The following C2CD3 variants were observed in gnomAD, a reference collection of about 807,000 sequenced individuals.
The protein encoded by C2CD3 is C2 domain containing 3 centriole elongation regulator.
C2CD3 carries 148 observed loss-of-function variants against 234.0 expected under a neutral mutation model. The observed-to-expected ratio is 0.63, with a 90% CI of 0.55 to 0.72. C2CD3 has a LOEUF of 0.72. C2CD3 is among the 30% of genes least tolerant of loss of function. C2CD3 has a pLI of 0.00. For synonymous variants in C2CD3, 1,000 were observed against 1,035.4 expected, an observed-to-expected ratio of 0.97 and a Z score of 0.66; for missense variants, 2,577 against 2,811.5, an observed-to-expected ratio of 0.92 and a Z score of 1.89.
Position 74,018,674 on chromosome 11 carries a change from A to G in C2CD3, c.6922-5149T>C, listed in dbSNP as rs540837755. The stretch of plus-strand genomic sequence containing the variant: ...GGGTGGCTCTCAGAGTCTGGCCTGG[A>G]CTAGAACTTCCTTGATACTACAGAG... On this transcript the variant is annotated intron_variant, in intron 32 of 32. Coordinates refer to ENST00000334126, the MANE Select transcript of C2CD3 (RefSeq NM_001286577.2). Among the ~76,000 whole-genome samples, 9 of 152,158 alleles carry G rather than the reference A, an allele frequency of 5.9e-5. No homozygotes were observed. The East Asian group carries it at 1.7e-3, about 29-fold the overall frequency.
intron 3 of C2CD3, among the ~76,000 whole-genome samples, chr11:74,150,512 A>AAC: frequency 1.5e-5 from 1 of 67,822 alleles, no homozygotes; most frequent in East Asian, 4.1e-4. Flanking sequence ...AAAAAAAAAA[A>AAC]AAACAAAAAA....
intron 14 of C2CD3, among the ~76,000 whole-genome samples, chr11:74,100,967 C>T (rs1956293322): frequency 1.3e-5 from 2 of 152,174 alleles, no homozygotes; most frequent in South Asian, 4.1e-4. Context: ...AAACATGGTG[C>T]CTGCCAAACT....
At chr11:74,023,454 T>TTAGAGC (rs1370472348) in intron 32 of C2CD3, among the ~76,000 whole-genome samples, 2 of 152,332 alleles carry the variant, frequency 1.3e-5, no homozygotes, top group East Asian at 3.9e-4. Context: ...TCCCTCTCAC[T>TTAGAGC]TAGAGCTGCT....
In C2CD3 at chr11:74,103,294, T is replaced by G; in HGVS notation, c.2417A>C (p.His806Pro). 6.2e-7 allele frequency: 1 copy of G among 1,614,214 alleles called. No individual in the cohort carries two copies. Among genetic ancestry groups the G allele is most frequent in the Non-Finnish European group, 8.5e-7 (1 of 1,180,018 alleles). ...GTTKESALLL[H>P]VLLMVPDGKD... is the part of the protein sequence containing the mutation. ...CCCATCTGGCACCATCAACAGCACATGCAACAGCAAAGCACTCTCTTTTGT... is the reference window on the plus strand; with the variant it reads ...CCCATCTGGCACCATCAACAGCACAGGCAACAGCAAAGCACTCTCTTTTGT... The change falls in exon 14 of 33, where the codon CAT becomes CCT. Residue 806 changes from histidine (H) to proline (P), a missense_variant. By Grantham distance (77) the His-to-Pro change is moderately conservative. Transcript: ENST00000334126.
intron 24 of C2CD3, among the ~76,000 whole-genome samples, chr11:74,062,727 G>C (rs1260517539): frequency 5.3e-5 from 8 of 150,998 alleles, no homozygotes; most frequent in African/African-American, 2.0e-4. Flanking sequence ...GGAGAAGCAA[G>C]AGCAAACACA....
At chr11:74,162,327 AAG>A (rs1409635054) in intron 2 of C2CD3, among the ~76,000 whole-genome samples, 1 of 152,188 alleles carries the variant, frequency 6.6e-6, no homozygotes, top group African/African-American at 2.4e-5. Flanking sequence ...GTGTAAATAA[AAG>A]AAATTATGCA....
chr11:74,092,398 A>C lies in C2CD3; in HGVS notation c.3517+18T>G. ...TATACTGATTTTGAAAGAAAAAGACAAACTTGTTTTCAATTACCTGATGAC... is the reference window on the plus strand; with the variant it reads ...TATACTGATTTTGAAAGAAAAAGACCAACTTGTTTTCAATTACCTGATGAC... On this transcript the variant is annotated intron_variant, in intron 19 of 32. Coordinates refer to ENST00000334126, the MANE Select transcript of C2CD3 (RefSeq NM_001286577.2). 1 of 1,608,014 alleles carries C rather than the reference A, an allele frequency of 6.2e-7. No homozygotes were observed. Among genetic ancestry groups the C allele is most frequent in the Non-Finnish European group, 8.5e-7 (1 of 1,175,480 alleles).
At position 74,156,465 on chromosome 11, in the gene C2CD3, A is replaced by G. The variant is rs78841567; in HGVS notation, c.483+4934T>C. ...GCACAGTAAGACCCTATCTCAAAAAAAAAAAAAAAAAAAAAAAAGGTGAAT... is the reference window on the plus strand; with the variant it reads ...GCACAGTAAGACCCTATCTCAAAAAGAAAAAAAAAAAAAAAAAAGGTGAAT... On this transcript the variant is annotated intron_variant, in intron 3 of 32. Coordinates refer to ENST00000334126, the MANE Select transcript of C2CD3 (RefSeq NM_001286577.2). Among the ~76,000 whole-genome samples the G allele has an allele frequency of 2.0e-5, 3 of 149,678 alleles. No individual in the cohort carries two copies. In the East Asian group the frequency reaches 5.8e-4, roughly 29 times the overall value.
At chr11:74,112,578 G>A (rs1016099767) in intron 11 of C2CD3, among the ~76,000 whole-genome samples, 1 of 152,106 alleles carries the variant, frequency 6.6e-6, no homozygotes, top group Non-Finnish European at 1.5e-5. Flanking sequence ...CTTGTATCTA[G>A]GATATACAAA....
chr11:74,109,305 G>A, intron 11 of C2CD3, 153 bp from the exon 12 acceptor site: 1 of 559,592 alleles, frequency 1.8e-6, no homozygotes, highest in Non-Finnish European at 3.2e-6. Flanking sequence ...TGCTAGGGTT[G>A]TAGGATTGAA....
chr11:74,151,643 G>T (rs973682164), intron 3 of C2CD3, among the ~76,000 whole-genome samples: 1 of 151,940 alleles, frequency 6.6e-6, no homozygotes. Context: ...ACTCATTAAA[G>T]GGGGAAAAAA....
rs753886796 is a variant in C2CD3, at chr11:74,078,329, A to G, written c.4389T>C (p.Ile1463=). The change falls in exon 23 of 33, where the codon ATT becomes ATC. Residue 1463 remains isoleucine (I), a synonymous_variant. Coordinates refer to ENST00000334126, the MANE Select transcript of C2CD3 (RefSeq NM_001286577.2). ...TTTTGGATGCCTTGAAAGTGACCAT[A>G]ATCTGCTTTTTGTTTACAGATTCCT... ...KPKESVNKKQ[I]MVTFKASKRA... 6.2e-7 allele frequency: 1 copy of G among 1,614,074 alleles called. No individual in the cohort carries two copies. Among genetic ancestry groups the G allele is most frequent in the South Asian group, 1.1e-5 (1 of 91,070 alleles).
At chr11:74,037,391 G>T in intron 30 of C2CD3, 87 bp downstream of exon 30, 5 of 1,048,430 alleles carry the variant, frequency 4.8e-6, no homozygotes, top group Non-Finnish European at 7.4e-6. Context: ...TTGTCATAGG[G>T]GCTTGTCCGA....
intron 24 of C2CD3, among the ~76,000 whole-genome samples, chr11:74,068,834 C>T (rs1038932902): frequency 6.6e-5 from 10 of 152,214 alleles, no homozygotes. Context: ...CGGAGTCTCA[C>T]TCACTCTGTC....
At position 74,095,267 on chromosome 11, in the gene C2CD3, G is replaced by C. The variant is rs1246456078; in HGVS notation, c.3121C>G (p.Gln1041Glu). Residue 1041 changes from glutamine (Q) to glutamate (E), a missense_variant, in exon 17 of 33, where the codon CAA becomes GAA. Physicochemically the swap from Gln to Glu is conservative, Grantham distance 29. Transcript: ENST00000334126. ...VQYYFPVQHS[Q>E]SSVLKGPEFL... ...TCAGGTCCTTTCAGCACACTGGATT[G>C]AGAGTGTTGAACTGGAAAGTAGTAC... is the stretch of plus-strand genomic sequence containing the variant. The C allele has an allele frequency of 1.2e-6, 2 of 1,613,578 alleles. No homozygotes were observed. Among genetic ancestry groups the C allele is most frequent in the Non-Finnish European group, 1.7e-6 (2 of 1,179,664 alleles).
intron 16 of C2CD3, 37 bp downstream of exon 16, chr11:74,097,972 G>C: frequency 2.5e-6 from 4 of 1,586,506 alleles, no homozygotes; most frequent in Non-Finnish European, 3.4e-6. Context: ...AAGAGAAAAT[G>C]AAATAATGAC....
chr11:74,129,828 C>T (rs545017163), intron 7 of C2CD3: 68 of 186,556 alleles, frequency 3.6e-4, no homozygotes, highest in Non-Finnish European at 5.9e-4. Context: ...ATCCCGGCAC[C>T]TCGTGAGGCC....
intron 5 of C2CD3, among the ~76,000 whole-genome samples, chr11:74,133,939 AG>A (rs1295938552): frequency 6.6e-6 from 1 of 152,156 alleles, no homozygotes; most frequent in Non-Finnish European, 1.5e-5. Flanking sequence ...TGAAGAAAAG[AG>A]TGCTAAAAAG....
chr11:74,034,100 T>C lies in C2CD3; in HGVS notation c.6060A>G (p.Ser2020=). 1 of 1,535,782 alleles carries C rather than the reference T, an allele frequency of 6.5e-7. No individual in the cohort carries two copies. The highest frequency in any genetic ancestry group is 8.7e-7 in the Non-Finnish European group (1 of 1,146,834). ...TTGAAGTCTCTTCGAGAGGAGGGGG[T>C]GATGGGGAATCTGTGCCTTTATCTG... The part of the protein sequence containing the change: ...RAPDKGTDSP[S]PPPLEETSNG... The change falls in exon 31 of 33, where the codon TCA becomes TCG. Residue 2020 remains serine, a synonymous_variant. Coordinates refer to ENST00000334126, the MANE Select transcript of C2CD3 (RefSeq NM_001286577.2).
Sources: gnomAD v4.1 joint callset for allele counts (sites outside exome capture counted in the v4.1 genomes callset) on GRCh38, gnomAD v4.1.1 for gene constraint, MANE v1.5 for transcripts, NCBI Gene and HGNC (gene_info 2026-07-23, HGNC 2026-07-21) for gene names.